SNTG1: variants seen among roughly 807,000 people sequenced by gnomAD.
SNTG1 encodes gamma-1-syntrophin.
A neutral mutation model predicts 74.7 loss-of-function variants in SNTG1; 39 were observed. The ratio of observed to expected loss-of-function variants is 0.52; its 90% CI spans 0.40 to 0.68. The LOEUF (loss-of-function observed/expected upper bound fraction) is 0.68. SNTG1 is among the 30% of genes least tolerant of loss of function. SNTG1 has a pLI of 0.00. For synonymous variants in SNTG1, 254 were observed against 217.1 expected (o/e 1.17, Z -1.49); for missense variants, 685 against 609.5 (o/e 1.12, Z -1.30).
intron 1 of SNTG1, among the ~76,000 whole-genome samples, chr8:49,988,323 C>A (rs1246839818): frequency 2.0e-5 from 3 of 152,088 alleles, no homozygotes; most frequent in Non-Finnish European, 4.4e-5. Context: ...GTTACAGTAA[C>A]TTCTAGATGC....
At chr8:50,589,224 A>G (rs539410688) in intron 12 of SNTG1, among the ~76,000 whole-genome samples, 68 of 152,328 alleles carry the variant, frequency 4.5e-4, no homozygotes, top group African/African-American at 1.6e-3. Flanking sequence ...TAATAAGTTG[A>G]TCTTTTCCAA....
intron 18 of SNTG1, among the ~76,000 whole-genome samples, chr8:50,754,724 TCA>T (rs1249965782): frequency 6.6e-6 from 1 of 151,904 alleles, no homozygotes; most frequent in Non-Finnish European, 1.5e-5. Context: ...TATTTTGCTC[TCA>T]TTTTTAATTT....
intron 1 of SNTG1, among the ~76,000 whole-genome samples, chr8:49,991,763 T>C (rs1311478989): frequency 6.6e-6 from 1 of 152,150 alleles, no homozygotes. Context: ...GGCAAATCCA[T>C]AGAGACAGAA....
chr8:50,085,888 C>A (rs1822837842), intron 1 of SNTG1, among the ~76,000 whole-genome samples: 1 of 152,202 alleles, frequency 6.6e-6, no homozygotes, highest in Admixed American at 6.5e-5. Flanking sequence ...AAATCGGAAT[C>A]TCTGACACTG....
intron 3 of SNTG1, among the ~76,000 whole-genome samples, chr8:50,396,564 A>G (rs879517708): frequency 6.6e-6 from 1 of 152,228 alleles, no homozygotes; most frequent in Non-Finnish European, 1.5e-5. Context: ...AGTATAAGAC[A>G]AAACAAATTA....
chr8:50,202,447 C>A (rs569665717), intron 2 of SNTG1, among the ~76,000 whole-genome samples: 1 of 152,158 alleles, frequency 6.6e-6, no homozygotes, highest in African/African-American at 2.4e-5. Context: ...TGAAAGCATA[C>A]AGTATGTAGT....
chr8:49,923,622 T>C (rs1489983752), intron 1 of SNTG1, among the ~76,000 whole-genome samples: 1 of 152,060 alleles, frequency 6.6e-6, no homozygotes, highest in Non-Finnish European at 1.5e-5. Flanking sequence ...TACATGAAAG[T>C]TTTGAGCATC....
At chr8:50,686,645 T>A (rs1002551186) in intron 15 of SNTG1, among the ~76,000 whole-genome samples, 1 of 152,094 alleles carries the variant, frequency 6.6e-6, no homozygotes, top group Admixed American at 6.5e-5. Flanking sequence ...TATTTAAAAA[T>A]TTATTTAAAA....
intron 17 of SNTG1, among the ~76,000 whole-genome samples, chr8:50,740,491 C>T (rs2095540548): frequency 6.6e-6 from 1 of 151,142 alleles, no homozygotes; most frequent in African/African-American, 2.4e-5. Context: ...AAAACAAAAA[C>T]AATGCTGACA....
chr8:49,935,544 AAG>A (rs1191057139), intron 1 of SNTG1, among the ~76,000 whole-genome samples: 4 of 151,732 alleles, frequency 2.6e-5, no homozygotes, highest in African/African-American at 4.8e-5. Context: ...AAAAAAGAAA[AAG>A]AAAAAAAAAT....
At chr8:50,555,759 T>A (rs1157638911) in intron 12 of SNTG1, among the ~76,000 whole-genome samples, 1 of 152,154 alleles carries the variant, frequency 6.6e-6, no homozygotes, top group Non-Finnish European at 1.5e-5. Flanking sequence ...GAAAAAAGGA[T>A]TAAAATGCAT....
intron 18 of SNTG1, among the ~76,000 whole-genome samples, chr8:50,757,232 G>A (rs1228066490): frequency 1.3e-5 from 2 of 151,690 alleles, no homozygotes; most frequent in Admixed American, 6.6e-5. Context: ...TCTTTAGCCT[G>A]TTGATTTGAT....
At chr8:50,062,713 T>C (rs1469564646) in intron 1 of SNTG1, among the ~76,000 whole-genome samples, 4 of 152,224 alleles carry the variant, frequency 2.6e-5, no homozygotes, top group African/African-American at 4.8e-5. Context: ...TTGGTCAGCA[T>C]TGAATTTTGA....
intron 17 of SNTG1, among the ~76,000 whole-genome samples, chr8:50,717,210 C>T (rs1282306068): frequency 6.6e-6 from 1 of 152,060 alleles, no homozygotes; most frequent in Non-Finnish European, 1.5e-5. Context: ...TTTTCCTTCT[C>T]CTTAAATCTT....
intron 2 of SNTG1, among the ~76,000 whole-genome samples, chr8:50,259,600 C>G (rs2087079661): frequency 6.7e-6 from 1 of 150,348 alleles, no homozygotes. Context: ...AGCACATTTC[C>G]AAATAAACAA....
At chr8:50,313,766 TA>T (rs899719195) in intron 2 of SNTG1, among the ~76,000 whole-genome samples, 18 of 149,956 alleles carry the variant, frequency 1.2e-4, no homozygotes, top group South Asian at 2.2e-4. Context: ...TAAACAGACA[TA>T]AAAAACAATG....
At chr8:50,296,719 T>C (rs1180027790) in intron 2 of SNTG1, among the ~76,000 whole-genome samples, 1 of 152,130 alleles carries the variant, frequency 6.6e-6, no homozygotes, top group African/African-American at 2.4e-5. Flanking sequence ...CCATGGCACA[T>C]GTAAACCTAT....
chr8:50,698,817 C>T (rs1296041795), intron 15 of SNTG1, among the ~76,000 whole-genome samples: 3 of 152,092 alleles, frequency 2.0e-5, no homozygotes, highest in Admixed American at 6.5e-5. Flanking sequence ...AGTCATGGTG[C>T]TCTACCGTGG....
At position 50,789,682 on chromosome 8, in the gene SNTG1, C is replaced by T. The variant is rs1032685204; in HGVS notation, c.1396-2989C>T. 3.3e-5 allele frequency among the ~76,000 whole-genome samples: 5 copies of T among 152,078 alleles called. No homozygotes were observed. In the South Asian group the frequency reaches 6.2e-4, roughly 19 times the overall value. Reference sequence around the variant, plus strand: ...ATTGAAATCTACTTTCAAATTCAACCCCTTTCCATATAGAAAACTTTGTAA... The same window carrying T: ...ATTGAAATCTACTTTCAAATTCAACTCCTTTCCATATAGAAAACTTTGTAA... On this transcript the variant is annotated intron_variant, in intron 18 of 18. Transcript: ENST00000642720.
Sources: gnomAD v4.1 joint callset for allele counts (sites outside exome capture counted in the v4.1 genomes callset) on GRCh38, gnomAD v4.1.1 for gene constraint, MANE v1.5 for transcripts, NCBI Gene and HGNC (gene_info 2026-07-23, HGNC 2026-07-21) for gene names.